The following SCN7A variants were observed in gnomAD, a reference collection of about 807,000 sequenced individuals.
SCN7A encodes the protein sodium channel protein type 7 subunit alpha.
Under a neutral mutation model 155.2 loss-of-function variants are expected in SCN7A, and 138 were observed. That is an observed-to-expected ratio of 0.89 (90% CI 0.77 to 1.02). The LOEUF is 1.02. SCN7A is among the 50% of genes least tolerant of loss of function. The probability of loss-of-function intolerance (pLI) is 0.00; values close to 1 mark genes in which losing one functional copy is unlikely to be tolerated. For missense variants in SCN7A, 2,058 were observed against 1,986.6 expected (o/e 1.04, Z -0.68); for synonymous variants, 693 against 649.0 (o/e 1.07, Z -1.03).
At position 166,456,801 on chromosome 2, in the gene SCN7A, AAAAT is replaced by A. The variant is rs1212652416; in HGVS notation, c.1290+65_1290+68del. The A allele has an allele frequency of 7.6e-3, 4,281 of 565,076 alleles. 15 individuals carry two copies. The highest frequency in any genetic ancestry group is 0.012 in the Admixed American group (227 of 18,490). The allele number at this position is 565,076 out of a possible 1,614,324, so 35.0% of individuals were successfully genotyped here. A position where few individuals can be genotyped will look rare whatever the true frequency, so the allele number is the denominator to read the frequency against. ...AATAAATGATTGCTGTTTCAAGACT[AAAAT>A]ATATATATATATATATATATATATA... On this transcript the variant is annotated intron_variant, in intron 11 of 25. Coordinates refer to ENST00000643258, the MANE Select transcript of SCN7A (RefSeq NM_002976.4).
rs780917898 is a variant in SCN7A, at chr2:166,483,187, G to A, written c.-15+3669C>T. On this transcript the variant is annotated intron_variant, in intron 2 of 25. Coordinates refer to ENST00000643258, the MANE Select transcript of SCN7A (RefSeq NM_002976.4). ...GGAGCAGCAGAAGTATATGGAAATG[G>A]GGTGAATTTTTATAGAAAAAAAATT... Among the ~76,000 whole-genome samples, 5 of 151,950 alleles carry A rather than the reference G, an allele frequency of 3.3e-5. No homozygotes were observed. The South Asian group carries it at 1.0e-3, about 32-fold the overall frequency.
chr2:166,449,082 T>C (rs1702125080), intron 11 of SCN7A, among the ~76,000 whole-genome samples: 1 of 152,184 alleles, frequency 6.6e-6, no homozygotes, highest in South Asian at 2.1e-4. Flanking sequence ...TGATTTTACA[T>C]TGGTAAGACA....
chr2:166,412,453 G>T, intron 23 of SCN7A, 77 bp downstream of exon 23: 2 of 1,268,748 alleles, frequency 1.6e-6, no homozygotes, highest in Non-Finnish European at 1.0e-6. Context: ...CCAATTATTT[G>T]AAGCAGGGCA....
At chr2:166,443,926 A>T (rs938014469) in intron 13 of SCN7A, among the ~76,000 whole-genome samples, 5 of 152,196 alleles carry the variant, frequency 3.3e-5, no homozygotes, top group African/African-American at 1.2e-4. Flanking sequence ...CTCGAAGAAA[A>T]CAAAAGAATA....
chr2:166,425,027 G>C (rs1028854686), intron 18 of SCN7A, among the ~76,000 whole-genome samples: 2 of 152,116 alleles, frequency 1.3e-5, no homozygotes, highest in Non-Finnish European at 2.9e-5. Context: ...TCCACTCCTA[G>C]AGGGACCCAG....
Position 166,406,105 on chromosome 2 carries a change from C to A in SCN7A, c.4524G>T (p.Lys1508Asn), listed in dbSNP as rs751384883. The A allele has an allele frequency of 1.9e-6, 3 of 1,611,968 alleles. No individual in the cohort carries two copies. Among genetic ancestry groups the A allele is most frequent in the Non-Finnish European group, 2.5e-6 (3 of 1,178,852 alleles). The change falls in exon 26 of 26, where the codon AAG (lysine) becomes AAT (asparagine). Residue 1508 changes from lysine to asparagine, a missense_variant. Transcript: ENST00000643258. ...FLNIASKKKN[K>N]TLSEDDFRKF... is the part of the protein sequence containing the mutation. ...TCCTAAAATCATCTTCACTCAAGGT[C>A]TTGTTTTTCTTCTTAGAAGCAATAT...
intron 11 of SCN7A, among the ~76,000 whole-genome samples, chr2:166,451,206 C>G (rs1005950181): frequency 3.9e-5 from 6 of 152,058 alleles, no homozygotes; most frequent in African/African-American, 1.4e-4. Flanking sequence ...AGTCAGTGCT[C>G]AATTCTCTAC....
At chr2:166,472,294 A>C in intron 6 of SCN7A, 23 bp downstream of exon 6, 1 of 1,566,932 alleles carries the variant, frequency 6.4e-7, no homozygotes. Flanking sequence ...ATTAAAATAG[A>C]CTCAATTTAA....
intron 7 of SCN7A, among the ~76,000 whole-genome samples, chr2:166,468,150 G>T (rs1476409419): frequency 6.6e-6 from 1 of 151,932 alleles, no homozygotes; most frequent in Admixed American, 6.6e-5. Context: ...TTACTTCTCA[G>T]TTTTTGTTAA....
chr2:166,430,153 GA>G (rs547893658), intron 16 of SCN7A, among the ~76,000 whole-genome samples: 23 of 151,840 alleles, frequency 1.5e-4, no homozygotes, highest in Admixed American at 1.5e-3. Context: ...TAAAAATTAA[GA>G]AAAAAATCTA....
intron 1 of SCN7A, among the ~76,000 whole-genome samples, chr2:166,492,628 A>C (rs759376760): frequency 2.0e-5 from 3 of 152,206 alleles, no homozygotes; most frequent in Admixed American, 1.3e-4. Flanking sequence ...TAAACTGTAC[A>C]GGTGGCAAGA....
At chr2:166,485,927 A>T (rs1291635637) in intron 2 of SCN7A, among the ~76,000 whole-genome samples, 1 of 152,182 alleles carries the variant, frequency 6.6e-6, no homozygotes, top group African/African-American at 2.4e-5. Context: ...TTGACCAAAA[A>T]TTCCTGGCTA....
At position 166,472,351 on chromosome 2, in the gene SCN7A, A is replaced by G. The variant is rs369173427; in HGVS notation, c.538T>C (p.Trp180Arg). The change falls in exon 6 of 26, where the codon TGG (tryptophan) becomes CGG (arginine). Residue 180 changes from tryptophan to arginine, a missense_variant. Coordinates refer to ENST00000643258, the MANE Select transcript of SCN7A (RefSeq NM_002976.4). ...GTTACGCTGAAATCGAGCCAGTTCC[A>G]TGGATCACCGAGGAAGGAAAATGAT... ...AGSFSFLGDPWNWLDFSVTVF... is the reference protein window; with the variant it reads ...AGSFSFLGDPRNWLDFSVTVF... The G allele has an allele frequency of 2.5e-6, 4 of 1,608,702 alleles. No individual in the cohort carries two copies. The highest frequency in any genetic ancestry group is 3.4e-6 in the Non-Finnish European group (4 of 1,176,768).
intron 10 of SCN7A, among the ~76,000 whole-genome samples, chr2:166,460,831 G>A (rs905823149): frequency 3.3e-5 from 5 of 152,026 alleles, no homozygotes; most frequent in Non-Finnish European, 4.4e-5. Flanking sequence ...ACCTTGAAGG[G>A]CACTATATAT....
Position 166,445,021 on chromosome 2 carries a change from A to G in SCN7A, c.1388-21T>C, listed in dbSNP as rs547196898. 7.3e-6 allele frequency: 11 copies of G among 1,511,534 alleles called. No individual in the cohort carries two copies. In the African/African-American group the frequency reaches 1.4e-4, roughly 19 times the overall value. 93.6% of individuals were successfully genotyped at this position (1,511,534 alleles called of 1,614,324 possible). A position where few individuals can be genotyped will look rare whatever the true frequency, so the allele number is the denominator to read the frequency against. On this transcript the variant is annotated intron_variant, in intron 12 of 25. Transcript: ENST00000643258. The stretch of plus-strand genomic sequence containing the variant: ...AAGTTCTGAAATGAAAGAATACAAA[A>G]GTTAAACATTCTGGCCGGGTGCAGT...
chr2:166,467,848 A>G (rs1010763063), intron 7 of SCN7A, among the ~76,000 whole-genome samples: 4 of 151,836 alleles, frequency 2.6e-5, no homozygotes, highest in African/African-American at 9.7e-5. Flanking sequence ...ATTTAAACCA[A>G]TTGCATTTAT....
At chr2:166,431,307 A>T (rs1398050158) in intron 16 of SCN7A, among the ~76,000 whole-genome samples, 2 of 152,246 alleles carry the variant, frequency 1.3e-5, no homozygotes, top group Middle Eastern at 3.4e-3. Flanking sequence ...TAAAATAAAG[A>T]TGGCTTTAGT....
At position 166,405,847 on chromosome 2, in the gene SCN7A, T is replaced by A. The variant is rs750060751; in HGVS notation, c.4782A>T (p.Lys1594Asn). The change falls in exon 26 of 26, where the codon AAA becomes AAT. Residue 1594 changes from lysine to asparagine, a missense_variant. Physicochemically the swap from Lys to Asn is moderately conservative, Grantham distance 94. Coordinates refer to ENST00000643258, the MANE Select transcript of SCN7A (RefSeq NM_002976.4). ...ACCCTGATTCTATTTCTGAAACAAC[T>A]TTCTCCATCCTCACATCTTGACCCA... is the stretch of plus-strand genomic sequence containing the variant. ...RVMGQDVRME[K>N]VVSEIESGFL... 1 of 1,613,138 alleles carries A rather than the reference T, an allele frequency of 6.2e-7. No individual in the cohort carries two copies. Among genetic ancestry groups the A allele is most frequent in the South Asian group, 1.1e-5 (1 of 91,062 alleles).
rs958990852 is a variant in SCN7A, at chr2:166,404,503, T to C, written c.*1077A>G. 3 of 151,850 alleles carry C rather than the reference T, an allele frequency of 2.0e-5. No homozygotes were observed. Among genetic ancestry groups the C allele is most frequent in the African/African-American group, 7.2e-5 (3 of 41,400 alleles). The allele number at this position is 151,850 out of a possible 1,614,324, so 9.4% of individuals were successfully genotyped here. Reference sequence around the variant, plus strand: ...TTTATCTCCTAATTCATAGTTCTCATAGTTTGAGTGACCATTGTCTCTCTC... The same window carrying C: ...TTTATCTCCTAATTCATAGTTCTCACAGTTTGAGTGACCATTGTCTCTCTC... On this transcript the variant is annotated 3_prime_UTR_variant, in exon 26 of 26. Transcript: ENST00000643258.
Sources: allele counts gnomAD v4.1 joint callset (sites outside exome capture counted in the v4.1 genomes callset), GRCh38; gene constraint gnomAD v4.1.1; transcripts MANE v1.5; gene names NCBI Gene and HGNC (gene_info 2026-07-23, HGNC 2026-07-21).